Variants in SPATA7 observed in about 807,000 individuals in gnomAD.
SPATA7 encodes the protein spermatogenesis associated 7.
In SPATA7, 43 loss-of-function variants were observed where a neutral mutation model predicts 51.8. The ratio of observed to expected loss-of-function variants is 0.83; its 90% CI spans 0.65 to 1.07. The LOEUF is 1.07. Among genes scored for constraint, SPATA7 ranks in the 50% least tolerant of loss-of-function variants. The pLI, the probability that SPATA7 is intolerant of heterozygous loss-of-function variation, is 0.00. For synonymous variants in SPATA7, 230 were observed against 252.8 expected (o/e 0.91, Z 0.86); for missense variants, 683 against 701.3 (o/e 0.97, Z 0.30).
chr14:88,467,640 CATG>C (rs1241191619), intron 4 of SPATA7: 1 of 151,448 alleles, frequency 6.6e-6, no homozygotes, highest in Non-Finnish European at 1.5e-5. Context: ...AAGATAATAA[CATG>C]ATTTTTAAAT....
At position 88,469,709 on chromosome 14, in the gene SPATA7, T is replaced by TA; in HGVS notation, c.255-135dup. ...CTGGAACCAAGTCGTGGCCAGTACC[T>TA]AAAGCTCTTCTCCCTTCCACCCTCC... is the stretch of plus-strand genomic sequence containing the variant. On this transcript the variant is annotated intron_variant, in intron 4 of 4. Coordinates refer to the SPATA7 transcript ENST00000556406. The surrounding 1 kb of genome is among the most constrained non-coding windows in gnomAD (Gnocchi z 4.3). 1 of 1,614,208 alleles carries TA rather than the reference T, an allele frequency of 6.2e-7. No homozygotes were observed. Among genetic ancestry groups the TA allele is most frequent in the Non-Finnish European group, 8.5e-7 (1 of 1,180,032 alleles).
chr14:88,443,981 T>A (rs2077195663), intron 3 of SPATA7, among the ~76,000 whole-genome samples: 1 of 152,008 alleles, frequency 6.6e-6, no homozygotes, highest in Non-Finnish European at 1.5e-5. Flanking sequence ...TGATTTATAG[T>A]CCTTTGGGTA....
chr14:88,469,890 G>T lies in SPATA7; in HGVS notation c.*23G>T, dbSNP rs767595166. On this transcript the variant is annotated 3_prime_UTR_variant, in exon 5 of 5. Transcript: ENST00000556406. This position sits in a 1 kb window ranked among gnomAD's most constrained non-coding sequence, Gnocchi z 4.3. ...TAACATTAACTGTTCTTCAGAGGCT[G>T]AGAAAATCACTTAAGAGAAATAAGT... 85 of 1,612,976 alleles carry T rather than the reference G, an allele frequency of 5.3e-5. No homozygotes were observed. The highest frequency in any genetic ancestry group is 6.9e-5 in the Non-Finnish European group (81 of 1,179,330).
At chr14:88,438,489 A>G (rs2077154011), downstream of SPATA7, 2 of 1,231,996 alleles carry the variant, frequency 1.6e-6, no homozygotes, top group African/African-American at 1.5e-5. Flanking sequence ...TTTAAAATGT[A>G]TGTATAAGAT....
chr14:88,410,092 G>GA (rs1555373313), intron 4 of SPATA7, among the ~76,000 whole-genome samples: 1 of 152,190 alleles, frequency 6.6e-6, no homozygotes, highest in Non-Finnish European at 1.5e-5. Context: ...GAGTTCTGTA[G>GA]ATGTCTAGTA....
At position 88,438,135 on chromosome 14, in the gene SPATA7, A is replaced by G. The variant is rs745567483; in HGVS notation, c.1513A>G (p.Ile505Val). The change falls in exon 12 of 12, where the codon ATA (isoleucine) becomes GTA (valine). Residue 505 changes from isoleucine to valine, a missense_variant. Ile to Val is a conservative substitution (Grantham distance 29). Coordinates refer to ENST00000393545, the MANE Select transcript of SPATA7 (RefSeq NM_018418.5). ...TAAATCAAAGCATTCAGAAGGGGTT[A>G]TAATTCAACAGGTGAATGATGAAAC... The part of the protein sequence containing the change: ...IYKSKHSEGV[I>V]IQQVNDETNL... 6.2e-7 allele frequency: 1 copy of G among 1,613,884 alleles called. No individual in the cohort carries two copies. The highest frequency in any genetic ancestry group is 8.5e-7 in the Non-Finnish European group (1 of 1,179,888).
chr14:88,398,595 A>G (rs1187661300), intron 4 of SPATA7, among the ~76,000 whole-genome samples: 1 of 151,650 alleles, frequency 6.6e-6, no homozygotes, highest in Non-Finnish European at 1.5e-5. Context: ...TAACCTGCAC[A>G]ATGTGCACAT....
chr14:88,427,769 A>T, intron 7 of SPATA7, 73 bp downstream of exon 7: 1 of 1,066,228 alleles, frequency 9.4e-7, no homozygotes, highest in East Asian at 2.4e-5. Flanking sequence ...GAATATGTAC[A>T]GCTATTTAGA....
intron 4 of SPATA7, among the ~76,000 whole-genome samples, chr14:88,402,559 A>T (rs1465873085): frequency 1.3e-5 from 2 of 152,196 alleles, no homozygotes; most frequent in Non-Finnish European, 2.9e-5. Flanking sequence ...TAGTGTCATC[A>T]ATGAATGACT....
chr14:88,385,933 C>G, intron 1 of SPATA7, 96 bp downstream of exon 1: 14 of 1,395,338 alleles, frequency 1.0e-5, no homozygotes, highest in Non-Finnish European at 1.3e-5. Context: ...AAGGCCGCCC[C>G]TTGGGGCGCT....
At chr14:88,443,980 G>A (rs2077195650) in intron 3 of SPATA7, among the ~76,000 whole-genome samples, 5 of 151,818 alleles carry the variant, frequency 3.3e-5, no homozygotes, top group Admixed American at 2.6e-4. Flanking sequence ...ATGATTTATA[G>A]TCCTTTGGGT....
chr14:88,420,277 C>G (rs890883982), intron 5 of SPATA7, among the ~76,000 whole-genome samples: 6 of 152,168 alleles, frequency 3.9e-5, no homozygotes, highest in Non-Finnish European at 5.9e-5. Context: ...GAGCACATCA[C>G]TAGTCCACAC....
At chr14:88,411,551 A>G (rs1174279407) in intron 4 of SPATA7, among the ~76,000 whole-genome samples, 1 of 151,820 alleles carries the variant, frequency 6.6e-6, no homozygotes, top group Non-Finnish European at 1.5e-5. Context: ...CCATGGGTAA[A>G]GCATAGTATC....
chr14:88,419,478 A>G lies in SPATA7; in HGVS notation c.372+2634A>G, dbSNP rs370549336. Among the ~76,000 whole-genome samples the G allele has an allele frequency of 1.1e-3, 150 of 140,464 alleles. 1 individual carries two copies. The East Asian group carries it at 0.023, about 21-fold the overall frequency. 92.1% of individuals were successfully genotyped at this position (140,464 alleles called of 152,430 possible). A position where few individuals can be genotyped will look rare whatever the true frequency, so the allele number is the denominator to read the frequency against. The stretch of plus-strand genomic sequence containing the variant: ...TTTTTAATGTCACTTGCCAATCTCA[A>G]TGTTTTAGGTTAGTATTTGGTGGGT... On this transcript the variant is annotated intron_variant, in intron 5 of 11. Coordinates refer to ENST00000393545, the MANE Select transcript of SPATA7 (RefSeq NM_018418.5).
chr14:88,394,247 A>G (rs372649540), intron 3 of SPATA7, among the ~76,000 whole-genome samples: 1 of 152,178 alleles, frequency 6.6e-6, no homozygotes, highest in Admixed American at 6.6e-5. Context: ...GGCCCTTTGT[A>G]GAAAAAATTT....
chr14:88,402,852 G>A (rs1595201999), intron 4 of SPATA7, among the ~76,000 whole-genome samples: 1 of 147,142 alleles, frequency 6.8e-6, no homozygotes, highest in East Asian at 2.1e-4. Flanking sequence ...GGAAACAATC[G>A]ACAGAGTGCA....
At chr14:88,459,131 T>G (rs1328139594), downstream of SPATA7, among the ~76,000 whole-genome samples, 1 of 152,238 alleles carries the variant, frequency 6.6e-6, no homozygotes, top group Non-Finnish European at 1.5e-5. Context: ...TGAGGAGTGC[T>G]TTACTTCCAG....
chr14:88,444,619 T>A (rs2077199177), intron 3 of SPATA7, among the ~76,000 whole-genome samples: 1 of 152,152 alleles, frequency 6.6e-6, no homozygotes, highest in Non-Finnish European at 1.5e-5. Flanking sequence ...TGGTTTTAGG[T>A]CTAACGTTTA....
At chr14:88,436,224 C>A (rs2077083575) in intron 10 of SPATA7, among the ~76,000 whole-genome samples, 1 of 152,096 alleles carries the variant, frequency 6.6e-6, no homozygotes, top group South Asian at 2.1e-4. Context: ...TGAGAATTGT[C>A]TATTCAAATC....
Sources: gnomAD v4.1 joint callset for allele counts (sites outside exome capture counted in the v4.1 genomes callset) on GRCh38, gnomAD v4.1.1 for gene constraint, Gnocchi (gnomAD v3.1) non-coding constraint, MANE v1.5 for transcripts, NCBI Gene and HGNC (gene_info 2026-07-23, HGNC 2026-07-21) for gene names.